The following RAB38 variants were observed in gnomAD, a reference collection of about 807,000 sequenced individuals.
RAB38 encodes the protein ras-related protein Rab-38.
Under a neutral mutation model 18.4 loss-of-function variants are expected in RAB38, and 15 were observed. That is an observed-to-expected ratio of 0.82 (90% confidence interval 0.55 to 1.26). The LOEUF is 1.26. Among genes scored for constraint, RAB38 ranks in the 50% most tolerant of loss-of-function variants. The pLI, the probability that RAB38 is intolerant of heterozygous loss-of-function variation, is 0.00. For synonymous variants in RAB38, 101 were observed against 104.4 expected (o/e 0.97, Z 0.20); for missense variants, 294 against 267.4 (o/e 1.10, Z -0.69).
At chr11:88,048,562 A>C in the RAB38 span, among the ~76,000 whole-genome samples, 1 of 152,176 alleles carries the variant, frequency 6.6e-6, no homozygotes, top group Non-Finnish European at 1.5e-5. Flanking sequence ...GGAATGCTAC[A>C]AAGTACAGCC....
chr11:88,055,196 C>T, the RAB38 span, among the ~76,000 whole-genome samples: 3 of 152,260 alleles, frequency 2.0e-5, no homozygotes, highest in Middle Eastern at 0.01. Flanking sequence ...ATCATCATGC[C>T]TGTGAACAGC....
the RAB38 span, among the ~76,000 whole-genome samples, chr11:87,877,845 A>T: frequency 9.2e-5 from 14 of 151,406 alleles, no homozygotes; most frequent in African/African-American, 3.4e-4. Flanking sequence ...CATCAAATCA[A>T]TCCCTCCTTG....
At chr11:88,138,253 A>T (rs1195162745) in intron 2 of RAB38, among the ~76,000 whole-genome samples, 2 of 152,208 alleles carry the variant, frequency 1.3e-5, no homozygotes, top group African/African-American at 2.4e-5. Flanking sequence ...TATAATGGAA[A>T]TTTTTTAAAA....
chr11:87,886,824 G>GTTTTTTTTTTTTTT, the RAB38 span, among the ~76,000 whole-genome samples: 5 of 139,024 alleles, frequency 3.6e-5, no homozygotes, highest in Non-Finnish European at 4.6e-5. Flanking sequence ...TGAAGCACTT[G>GTTTTTTTTTTTTTT]TTTTTTTTTT....
chr11:87,839,661 G>A, the RAB38 span, among the ~76,000 whole-genome samples: 1 of 152,144 alleles, frequency 6.6e-6, no homozygotes, highest in Non-Finnish European at 1.5e-5. Flanking sequence ...AGAAGTAGAA[G>A]TATTTTTATG....
chr11:88,072,806 G>C, the RAB38 span, among the ~76,000 whole-genome samples: 1 of 148,044 alleles, frequency 6.8e-6, no homozygotes, highest in Non-Finnish European at 1.5e-5. Context: ...TCAAAAAGTA[G>C]AAAAAAAAAA....
At chr11:87,821,147 G>A in the RAB38 span, among the ~76,000 whole-genome samples, 1 of 152,106 alleles carries the variant, frequency 6.6e-6, no homozygotes, top group African/African-American at 2.4e-5. Flanking sequence ...TAAATCACAA[G>A]TAGGACTTTT....
chr11:88,039,676 C>T, the RAB38 span, among the ~76,000 whole-genome samples: 28 of 152,232 alleles, frequency 1.8e-4, no homozygotes, highest in East Asian at 2.3e-3. Context: ...GCCTGACTGG[C>T]GAGGTAGGCT....
chr11:87,820,524 A>G, the RAB38 span, among the ~76,000 whole-genome samples: 1 of 152,212 alleles, frequency 6.6e-6, no homozygotes, highest in Non-Finnish European at 1.5e-5. Context: ...TATTTAAATC[A>G]GAGTGGTCAA....
At chr11:87,963,752 T>C in the RAB38 span, among the ~76,000 whole-genome samples, 1 of 151,878 alleles carries the variant, frequency 6.6e-6, no homozygotes, top group Non-Finnish European at 1.5e-5. Context: ...GTTCAAGTGA[T>C]TCTCCTGCCT....
At chr11:87,921,622 T>G in the RAB38 span, among the ~76,000 whole-genome samples, 1 of 150,530 alleles carries the variant, frequency 6.6e-6, no homozygotes, top group African/African-American at 2.4e-5. Flanking sequence ...TCTCTGTACT[T>G]CAGGTACCTT....
chr11:87,936,230 A>G, the RAB38 span, among the ~76,000 whole-genome samples: 1 of 152,024 alleles, frequency 6.6e-6, no homozygotes, highest in African/African-American at 2.4e-5. Context: ...TAGACTTACA[A>G]GATTTTTTCT....
At chr11:88,118,648 A>G (rs1942589607) in intron 2 of RAB38, among the ~76,000 whole-genome samples, 1 of 152,236 alleles carries the variant, frequency 6.6e-6, no homozygotes, top group Non-Finnish European at 1.5e-5. Flanking sequence ...TCTGACTTCC[A>G]GGACAGGTAA....
the RAB38 span, among the ~76,000 whole-genome samples, chr11:87,894,458 C>T: frequency 5.9e-5 from 9 of 151,654 alleles, no homozygotes; most frequent in Non-Finnish European, 7.4e-5. Context: ...GGAGCAGTTC[C>T]GACATACTTT....
chr11:87,918,500 G>A, the RAB38 span, among the ~76,000 whole-genome samples: 1 of 152,042 alleles, frequency 6.6e-6, no homozygotes, highest in Non-Finnish European at 1.5e-5. Flanking sequence ...CCCACCAACA[G>A]TGTACAAGGA....
At chr11:87,909,684 T>C in the RAB38 span, among the ~76,000 whole-genome samples, 2 of 152,090 alleles carry the variant, frequency 1.3e-5, no homozygotes, top group South Asian at 4.1e-4. Context: ...TCATACAGTA[T>C]ATGCTCTTTT....
chr11:87,861,303 G>A, the RAB38 span, among the ~76,000 whole-genome samples: 1 of 151,906 alleles, frequency 6.6e-6, no homozygotes, highest in South Asian at 2.1e-4. Flanking sequence ...TGAACAATGG[G>A]TGCCAAAATG....
chr11:88,104,355 A>G, the RAB38 span, among the ~76,000 whole-genome samples: 2 of 152,122 alleles, frequency 1.3e-5, no homozygotes, highest in African/African-American at 4.8e-5. Flanking sequence ...TGTTTACACA[A>G]AATAAATACA....
At chr11:87,926,399 C>G in the RAB38 span, among the ~76,000 whole-genome samples, 36 of 152,142 alleles carry the variant, frequency 2.4e-4, 1 homozygote, top group South Asian at 6.4e-3. Context: ...CTTCACTCAG[C>G]CATCGACTTC....
Sources: gnomAD v4.1 joint callset for allele counts (sites outside exome capture counted in the v4.1 genomes callset) on GRCh38, gnomAD v4.1.1 for gene constraint, MANE v1.5 for transcripts, NCBI Gene and HGNC (gene_info 2026-07-23, HGNC 2026-07-21) for gene names.